The following NR3C2 variants were observed in gnomAD, a reference collection of about 807,000 sequenced individuals.
NR3C2 encodes the protein mineralocorticoid receptor.
In NR3C2, 15 loss-of-function variants were observed where a neutral mutation model predicts 86.4. That is an observed-to-expected ratio of 0.17 (90% CI 0.12 to 0.27). The LOEUF is 0.27. Among genes scored for constraint, NR3C2 ranks in the 10% least tolerant of loss-of-function variants. NR3C2 has a pLI of 1.00. For synonymous variants in NR3C2, 458 were observed against 450.5 expected, an observed-to-expected ratio of 1.02 and a Z score of -0.21; for missense variants, 960 against 1,195.6, an observed-to-expected ratio of 0.80 and a Z score of 2.91.
At chr4:148,262,399 C>T (rs1740166480) in intron 2 of NR3C2, among the ~76,000 whole-genome samples, 1 of 152,082 alleles carries the variant, frequency 6.6e-6, no homozygotes, top group Non-Finnish European at 1.5e-5. Flanking sequence ...GCCCAGACCC[C>T]TCCCTGGAAT....
At chr4:148,395,236 G>A (rs532331345) in intron 2 of NR3C2, among the ~76,000 whole-genome samples, 2 of 152,140 alleles carry the variant, frequency 1.3e-5, no homozygotes, top group East Asian at 3.9e-4. Context: ...CTCTAAATTG[G>A]CATTAATTTT....
At chr4:148,111,964 T>G (rs1214200219) in intron 8 of NR3C2, among the ~76,000 whole-genome samples, 1 of 152,154 alleles carries the variant, frequency 6.6e-6, no homozygotes, top group Non-Finnish European at 1.5e-5. Flanking sequence ...GACTTTAAAT[T>G]TGTTCAGTTT....
intron 2 of NR3C2, among the ~76,000 whole-genome samples, chr4:148,378,363 C>T (rs1304749753): frequency 6.6e-6 from 1 of 151,176 alleles, no homozygotes; most frequent in Non-Finnish European, 1.5e-5. Context: ...AGATATACAC[C>T]CCACACCCAC....
intron 2 of NR3C2, among the ~76,000 whole-genome samples, chr4:148,330,867 AG>A (rs1744197335): frequency 1.3e-5 from 2 of 152,154 alleles, no homozygotes; most frequent in African/African-American, 4.8e-5. Flanking sequence ...GTTGTTTAAA[AG>A]TCTGGGTCCT....
At chr4:148,402,542 C>A (rs1255803176) in intron 2 of NR3C2, among the ~76,000 whole-genome samples, 5 of 152,208 alleles carry the variant, frequency 3.3e-5, no homozygotes, top group Admixed American at 6.5e-5. Flanking sequence ...GATGAAGAGT[C>A]ACTGGGCTCC....
intron 4 of NR3C2, among the ~76,000 whole-genome samples, chr4:148,182,529 G>A (rs1170599737): frequency 6.6e-6 from 1 of 152,168 alleles, no homozygotes; most frequent in African/African-American, 2.4e-5. Flanking sequence ...GATTCAGAGT[G>A]AGCTTTTTTC....
upstream of NR3C2, among the ~76,000 whole-genome samples, chr4:148,445,186 A>G (rs1252712206): frequency 6.6e-6 from 1 of 151,940 alleles, no homozygotes; most frequent in Non-Finnish European, 1.5e-5. Context: ...AGCCCTCCAA[A>G]GTCCGGCCCT....
chr4:148,354,270 C>T (rs1745442401), intron 2 of NR3C2, among the ~76,000 whole-genome samples: 1 of 152,080 alleles, frequency 6.6e-6, no homozygotes, highest in Non-Finnish European at 1.5e-5. Flanking sequence ...TCTTCTCTAG[C>T]TTACCTTACT....
chr4:148,391,866 C>CAAAAAAAA (rs11384324), intron 2 of NR3C2, among the ~76,000 whole-genome samples: 1 of 111,720 alleles, frequency 9.0e-6, no homozygotes. Context: ...GACTCCATTG[C>CAAAAAAAA]AAAAAAAAAA....
At chr4:148,129,361 G>A (rs983337133) in intron 6 of NR3C2, among the ~76,000 whole-genome samples, 1 of 152,184 alleles carries the variant, frequency 6.6e-6, no homozygotes, top group African/African-American at 2.4e-5. Flanking sequence ...ACCAGGGGCT[G>A]GGGGTAGGTG....
intron 5 of NR3C2, 22 bp downstream of exon 5, chr4:148,154,529 G>A (rs766531880): frequency 1.2e-6 from 2 of 1,609,658 alleles, no homozygotes; most frequent in Admixed American, 1.7e-5. Flanking sequence ...GATGCAGCCT[G>A]TGAAAGGAGA....
chr4:148,118,265 G>C (rs991771798), intron 7 of NR3C2, among the ~76,000 whole-genome samples: 1 of 152,082 alleles, frequency 6.6e-6, no homozygotes, highest in Admixed American at 6.5e-5. Context: ...CAATTTGCAA[G>C]TCCCTGGCAT....
At chr4:148,323,168 G>T (rs1266819862) in intron 2 of NR3C2, among the ~76,000 whole-genome samples, 1 of 147,486 alleles carries the variant, frequency 6.8e-6, no homozygotes, top group Non-Finnish European at 1.5e-5. Context: ...TCTGCTGGGG[G>T]GTGCCTCCCA....
At chr4:148,328,318 G>T (rs186418915) in intron 2 of NR3C2, among the ~76,000 whole-genome samples, 1 of 152,188 alleles carries the variant, frequency 6.6e-6, no homozygotes, top group Non-Finnish European at 1.5e-5. Context: ...GAAGGTATGC[G>T]TAGGGGAAAG....
rs1245644858 is a variant in NR3C2, at chr4:148,113,126, GAAACTGCTA to G, written c.2799+969_2799+977del. On this transcript the variant is annotated intron_variant, in intron 8 of 8. Transcript: ENST00000358102. ...AAGTTATCCAAATCAATATTTTGTA[GAAACTGCTA>G]AAACCACCTCGGCTATATCTATAAT... 2.0e-5 allele frequency among the ~76,000 whole-genome samples: 3 copies of G among 152,144 alleles called. No individual in the cohort carries two copies. In the East Asian group the frequency reaches 5.8e-4, roughly 29 times the overall value.
chr4:148,395,999 T>C (rs980362922), intron 2 of NR3C2, among the ~76,000 whole-genome samples: 1 of 152,214 alleles, frequency 6.6e-6, no homozygotes, highest in African/African-American at 2.4e-5. Flanking sequence ...CAAAAGCAAC[T>C]AAGCTCCCAG....
chr4:148,197,787 T>C (rs937492985), intron 3 of NR3C2, among the ~76,000 whole-genome samples: 1 of 152,234 alleles, frequency 6.6e-6, no homozygotes, highest in Admixed American at 6.5e-5. Flanking sequence ...TTTTGTCGTT[T>C]ATATTTTTAG....
intron 2 of NR3C2, among the ~76,000 whole-genome samples, chr4:148,326,816 G>C (rs975588678): frequency 3.3e-5 from 5 of 152,030 alleles, no homozygotes; most frequent in Non-Finnish European, 7.4e-5. Flanking sequence ...ACAGGGCTTA[G>C]GTATTCCATT....
chr4:148,234,836 G>T (rs2149840980), intron 3 of NR3C2, among the ~76,000 whole-genome samples: 1 of 152,164 alleles, frequency 6.6e-6, no homozygotes, highest in South Asian at 2.1e-4. Context: ...TTTTATTTCA[G>T]GTTCAGGGGT....
Sources: gnomAD v4.1 joint callset for allele counts (sites outside exome capture counted in the v4.1 genomes callset) on GRCh38, gnomAD v4.1.1 for gene constraint, MANE v1.5 for transcripts, NCBI Gene and HGNC (gene_info 2026-07-23, HGNC 2026-07-21) for gene names.